The following GPC5 variants were observed in gnomAD, a reference collection of about 807,000 sequenced individuals.
GPC5 encodes the protein glypican 5.
Under a neutral mutation model 53.9 loss-of-function variants are expected in GPC5, and 47 were observed. That is an observed-to-expected ratio of 0.87 (90% CI 0.69 to 1.11). The LOEUF is 1.11. Ranked by LOEUF, GPC5 falls within the 50% of genes most tolerant of loss-of-function variation. GPC5 has a pLI of 0.00. For missense variants in GPC5, 748 were observed against 713.1 expected (o/e 1.05, Z -0.56); for synonymous variants, 286 against 263.3 (o/e 1.09, Z -0.84).
intron 2 of GPC5, among the ~76,000 whole-genome samples, chr13:91,608,293 C>T (rs1353067498): frequency 6.6e-6 from 1 of 152,022 alleles, no homozygotes; most frequent in Admixed American, 6.6e-5. Context: ...TAATTCATAC[C>T]ATTATATGGA....
intron 7 of GPC5, among the ~76,000 whole-genome samples, chr13:92,336,747 A>G (rs930578202): frequency 6.6e-6 from 1 of 152,216 alleles, no homozygotes; most frequent in East Asian, 1.9e-4. Context: ...GACTGTGTTC[A>G]TAATATAAGC....
intron 7 of GPC5, among the ~76,000 whole-genome samples, chr13:92,229,938 A>C (rs1354980971): frequency 6.6e-6 from 1 of 152,138 alleles, no homozygotes; most frequent in East Asian, 1.9e-4. Context: ...AATTTATATT[A>C]AGATGGAATT....
chr13:91,760,737 G>T (rs1308414593), intron 5 of GPC5, among the ~76,000 whole-genome samples: 3 of 152,174 alleles, frequency 2.0e-5, no homozygotes. Flanking sequence ...TTAATATCAT[G>T]ACAGTCCTGT....
intron 7 of GPC5, among the ~76,000 whole-genome samples, chr13:92,531,470 T>C (rs1881560973): frequency 6.6e-6 from 1 of 151,846 alleles, no homozygotes; most frequent in Admixed American, 6.6e-5. Context: ...CATATTTCTG[T>C]ATATATATTC....
chr13:92,350,065 A>G (rs528529485), intron 7 of GPC5, among the ~76,000 whole-genome samples: 8 of 152,332 alleles, frequency 5.3e-5, no homozygotes, highest in African/African-American at 1.7e-4. Flanking sequence ...CTCGAGACAC[A>G]GGAAGCTTCA....
chr13:92,603,666 C>T (rs1443514060), intron 7 of GPC5, among the ~76,000 whole-genome samples: 1 of 152,042 alleles, frequency 6.6e-6, no homozygotes, highest in Admixed American at 6.5e-5. Flanking sequence ...ACAAGGAGAC[C>T]CAACAACAAT....
At chr13:92,390,554 C>T (rs953270560) in intron 7 of GPC5, among the ~76,000 whole-genome samples, 2 of 152,086 alleles carry the variant, frequency 1.3e-5, no homozygotes, top group Non-Finnish European at 2.9e-5. Context: ...GTTTAAACAC[C>T]TGGTGCTTTT....
intron 6 of GPC5, among the ~76,000 whole-genome samples, chr13:91,972,280 G>A (rs1028788322): frequency 1.6e-4 from 24 of 152,116 alleles, no homozygotes; most frequent in Admixed American, 1.6e-3. Flanking sequence ...CAGAGACTAG[G>A]ATTGCAACCC....
intron 6 of GPC5, among the ~76,000 whole-genome samples, chr13:92,062,308 C>T (rs1447051985): frequency 2.0e-5 from 3 of 151,854 alleles, no homozygotes; most frequent in African/African-American, 2.4e-5. Flanking sequence ...TAGATTGCTT[C>T]CTAAGAAATA....
intron 4 of GPC5, among the ~76,000 whole-genome samples, chr13:91,735,595 A>T (rs999469852): frequency 1.3e-5 from 2 of 151,336 alleles, no homozygotes; most frequent in African/African-American, 4.9e-5. Flanking sequence ...TTGGATTTCA[A>T]TTGGAGTTAT....
chr13:92,390,498 C>T (rs926196876), intron 7 of GPC5, among the ~76,000 whole-genome samples: 1 of 152,130 alleles, frequency 6.6e-6, no homozygotes, highest in African/African-American at 2.4e-5. Context: ...ACATAATCGG[C>T]TGCAGCAAAG....
rs141225448 is a variant in GPC5, at chr13:92,419,608, C to A, written c.1561+274619C>A. 7.0e-3 allele frequency among the ~76,000 whole-genome samples: 1,061 copies of A among 152,238 alleles called. 6 individuals are homozygous for A. Among genetic ancestry groups the A allele is most frequent in the African/African-American group, 0.024 (1,004 of 41,542 alleles). On this transcript the variant is annotated intron_variant, in intron 7 of 7. Transcript: ENST00000377067. The stretch of plus-strand genomic sequence containing the variant: ...ATATACATAAACTCTCTGACCAGAA[C>A]TCAAAAAATGAGTCATTTGATTCTT...
At chr13:91,583,440 A>G (rs1317705996) in intron 2 of GPC5, among the ~76,000 whole-genome samples, 2 of 152,216 alleles carry the variant, frequency 1.3e-5, no homozygotes, top group African/African-American at 2.4e-5. Context: ...ACCGAAATAT[A>G]CCAACAATAA....
At chr13:92,038,065 G>A (rs1051831622) in intron 6 of GPC5, among the ~76,000 whole-genome samples, 3 of 152,088 alleles carry the variant, frequency 2.0e-5, no homozygotes, top group African/African-American at 7.2e-5. Flanking sequence ...GGCACTAAGT[G>A]TTAGCAGCAG....
chr13:92,627,889 C>T lies in GPC5; in HGVS notation c.1562-238393C>T, dbSNP rs565562102. 1.4e-4 allele frequency among the ~76,000 whole-genome samples: 22 copies of T among 152,280 alleles called. No homozygotes were observed. The East Asian group carries it at 1.7e-3, about 12-fold the overall frequency. The stretch of plus-strand genomic sequence containing the variant: ...CTAGGTTTCCTGAAACAGACACCAA[C>T]GAATGAATTGTAGCCAATGGCATAT... On this transcript the variant is annotated intron_variant, in intron 7 of 7. Coordinates refer to ENST00000377067, the MANE Select transcript of GPC5 (RefSeq NM_004466.6).
chr13:92,139,268 T>G (rs2041809895), intron 6 of GPC5, among the ~76,000 whole-genome samples: 1 of 152,236 alleles, frequency 6.6e-6, no homozygotes, highest in African/African-American at 2.4e-5. Flanking sequence ...ATCCCAATTT[T>G]ATTTTGCTGT....
intron 2 of GPC5, among the ~76,000 whole-genome samples, chr13:91,532,548 G>C (rs1004039216): frequency 2.0e-5 from 3 of 152,020 alleles, no homozygotes; most frequent in African/African-American, 7.2e-5. Context: ...GAAATTAGTT[G>C]GTAAGGAAAA....
chr13:91,692,836 G>T (rs1056728638), intron 2 of GPC5, among the ~76,000 whole-genome samples: 2 of 152,076 alleles, frequency 1.3e-5, no homozygotes, highest in Admixed American at 6.5e-5. Context: ...TAGAGAGGGG[G>T]TTTCCCCATG....
At chr13:91,717,495 T>A (rs1324510625) in intron 3 of GPC5, among the ~76,000 whole-genome samples, 1 of 152,074 alleles carries the variant, frequency 6.6e-6, no homozygotes, top group Non-Finnish European at 1.5e-5. Flanking sequence ...TGAAGGAAAT[T>A]CCAGTGCAGG....
Sources: allele counts gnomAD v4.1 joint callset (sites outside exome capture counted in the v4.1 genomes callset), GRCh38; gene constraint gnomAD v4.1.1; transcripts MANE v1.5; gene names NCBI Gene and HGNC (gene_info 2026-07-23, HGNC 2026-07-21).